The following AP3B1 variants were observed in gnomAD, a reference collection of about 807,000 sequenced individuals.
AP3B1 encodes the protein AP-3 complex subunit beta-1.
Under a neutral mutation model 132.5 loss-of-function variants are expected in AP3B1, and 61 were observed. The ratio of observed to expected loss-of-function variants is 0.46; its 90% CI spans 0.37 to 0.57. The LOEUF (loss-of-function observed/expected upper bound fraction) is 0.57. Ranked by LOEUF, AP3B1 falls within the 20% of genes least tolerant of loss-of-function variation. The pLI, the probability that AP3B1 is intolerant of heterozygous loss-of-function variation, is 0.00. For missense variants in AP3B1, 1,120 were observed against 1,289.4 expected, an observed-to-expected ratio of 0.87 and a Z score of 2.01; for synonymous variants, 388 against 438.3, an observed-to-expected ratio of 0.89 and a Z score of 1.43.
intron 24 of AP3B1, among the ~76,000 whole-genome samples, chr5:78,032,404 T>G (rs748190902): frequency 3.3e-5 from 5 of 152,168 alleles, no homozygotes; most frequent in Non-Finnish European, 5.9e-5. Flanking sequence ...CTTTTTTTCT[T>G]TTTATTGAAC....
chr5:78,118,473 C>T (rs1202623027), intron 17 of AP3B1, among the ~76,000 whole-genome samples: 1 of 152,178 alleles, frequency 6.6e-6, no homozygotes, highest in Admixed American at 6.5e-5. Flanking sequence ...TCACTCCCAC[C>T]CTAATACTGC....
At chr5:78,114,117 G>C (rs1471610847) in intron 18 of AP3B1, among the ~76,000 whole-genome samples, 194 bp from the exon 19 acceptor site, 2 of 152,154 alleles carry the variant, frequency 1.3e-5, no homozygotes, top group Non-Finnish European at 2.9e-5. Flanking sequence ...TGAGCTTGGA[G>C]GGAGGCAGAC....
At chr5:78,052,129 T>G (rs1014907689) in intron 22 of AP3B1, among the ~76,000 whole-genome samples, 19 of 152,218 alleles carry the variant, frequency 1.2e-4, no homozygotes, top group African/African-American at 4.1e-4. Flanking sequence ...TTTTTAATAC[T>G]AAAGATAACT....
intron 14 of AP3B1, among the ~76,000 whole-genome samples, chr5:78,141,946 A>G (rs1753166515): frequency 1.3e-5 from 2 of 152,200 alleles, no homozygotes; most frequent in African/African-American, 4.8e-5. Flanking sequence ...TTGAGAACCC[A>G]CAGATAATAC....
chr5:78,165,776 A>C, intron 11 of AP3B1, 104 bp from the exon 12 acceptor site: 1 of 902,138 alleles, frequency 1.1e-6, no homozygotes, highest in Non-Finnish European at 1.8e-6. Flanking sequence ...ACTTTTAAAA[A>C]TCACATTGTC....
chr5:78,204,756 T>C (rs1324193578), intron 7 of AP3B1, among the ~76,000 whole-genome samples: 8 of 152,198 alleles, frequency 5.3e-5, no homozygotes, highest in Non-Finnish European at 5.9e-5. Context: ...CAGAATCTAC[T>C]CTGTTCCATC....
intron 14 of AP3B1, among the ~76,000 whole-genome samples, chr5:78,144,787 T>C (rs1054838485): frequency 1.3e-5 from 2 of 152,226 alleles, no homozygotes; most frequent in Non-Finnish European, 2.9e-5. Flanking sequence ...TTAAACATTA[T>C]GTGAAATCCT....
intron 13 of AP3B1, among the ~76,000 whole-genome samples, chr5:78,161,087 C>T (rs868613588): frequency 6.6e-6 from 1 of 151,744 alleles, no homozygotes; most frequent in East Asian, 1.9e-4. Context: ...AAACTAAATC[C>T]TTCTACTTTT....
intron 15 of AP3B1, among the ~76,000 whole-genome samples, chr5:78,139,671 C>T (rs1261646121): frequency 2.0e-5 from 3 of 151,970 alleles, no homozygotes; most frequent in Non-Finnish European, 4.4e-5. Context: ...TTTGAGGAAT[C>T]GACCTAAGGA....
At chr5:78,147,740 G>C (rs1753469553) in intron 14 of AP3B1, among the ~76,000 whole-genome samples, 1 of 152,192 alleles carries the variant, frequency 6.6e-6, no homozygotes, top group African/African-American at 2.4e-5. Flanking sequence ...CAACTGTTGA[G>C]AAAGTTGATG....
intron 21 of AP3B1, among the ~76,000 whole-genome samples, chr5:78,100,624 C>T (rs1362402556): frequency 6.6e-6 from 1 of 152,118 alleles, no homozygotes; most frequent in Non-Finnish European, 1.5e-5. Context: ...TGTGTCAATC[C>T]CCATAATCCA....
intron 25 of AP3B1, chr5:78,015,867 G>T: frequency 7.4e-6 from 2 of 270,206 alleles, no homozygotes; most frequent in Non-Finnish European, 1.4e-5. Context: ...CTCAATCTGG[G>T]GTTTATGTAA....
chr5:78,154,081 C>T (rs1215615937), intron 14 of AP3B1, among the ~76,000 whole-genome samples: 1 of 152,162 alleles, frequency 6.6e-6, no homozygotes, highest in Non-Finnish European at 1.5e-5. Context: ...TACTACCATC[C>T]TTTTCTTTCA....
intron 17 of AP3B1, among the ~76,000 whole-genome samples, chr5:78,118,898 A>G (rs1752003140): frequency 6.6e-6 from 1 of 152,172 alleles, no homozygotes; most frequent in African/African-American, 2.4e-5. Context: ...CCTGACCCCC[A>G]AGCAGCCTAA....
intron 22 of AP3B1, among the ~76,000 whole-genome samples, chr5:78,072,511 T>C (rs1749581765): frequency 6.6e-6 from 1 of 152,122 alleles, no homozygotes; most frequent in African/African-American, 2.4e-5. Context: ...TGAAATTTTC[T>C]GTTTTGTTTT....
chr5:78,067,064 A>C (rs112684815), intron 22 of AP3B1, among the ~76,000 whole-genome samples: 1 of 152,108 alleles, frequency 6.6e-6, no homozygotes, highest in Non-Finnish European at 1.5e-5. Context: ...TGGCCAAACT[A>C]AGCTTCAAAA....
intron 21 of AP3B1, among the ~76,000 whole-genome samples, chr5:78,092,178 A>T (rs542275997): frequency 2.0e-4 from 30 of 152,340 alleles, no homozygotes; most frequent in African/African-American, 7.2e-4. Flanking sequence ...TGCCCATGTA[A>T]CGAATAAAAA....
At chr5:78,110,153 T>C in intron 20 of AP3B1, 54 bp downstream of exon 20, 2 of 1,485,636 alleles carry the variant, frequency 1.3e-6, no homozygotes, top group Non-Finnish European at 1.9e-6. Flanking sequence ...GTTGTCTATT[T>C]TAGTTGCTAT....
chr5:78,013,851 T>C (rs1246431800), intron 26 of AP3B1, among the ~76,000 whole-genome samples: 4 of 152,300 alleles, frequency 2.6e-5, no homozygotes, highest in Middle Eastern at 3.4e-3. Flanking sequence ...GTGAGATAGA[T>C]AGAGCTTGTC....
Sources: allele counts gnomAD v4.1 joint callset (sites outside exome capture counted in the v4.1 genomes callset), GRCh38; gene constraint gnomAD v4.1.1; transcripts MANE v1.5; gene names NCBI Gene and HGNC (gene_info 2026-07-23, HGNC 2026-07-21).